The following LOC400499 variants were observed in gnomAD, a reference collection of about 807,000 sequenced individuals.
At chr16:11,412,291 G>A in the LOC400499 span, among the ~76,000 whole-genome samples, 1 of 152,184 alleles carries the variant, frequency 6.6e-6, no homozygotes, top group Admixed American at 6.5e-5. Flanking sequence ...TGTGTCCTAG[G>A]CACTGTAAGA....
chr16:11,455,517 T>A, the LOC400499 span, among the ~76,000 whole-genome samples: 1 of 151,976 alleles, frequency 6.6e-6, no homozygotes, highest in Non-Finnish European at 1.5e-5. Flanking sequence ...GGTGGATCAC[T>A]TGAGCTCAGG....
chr16:11,517,504 G>A, the LOC400499 span, among the ~76,000 whole-genome samples: 428 of 152,288 alleles, frequency 2.8e-3, 4 homozygotes, highest in African/African-American at 9.7e-3. Context: ...AAACAGGCTC[G>A]GAGCAATGTA....
chr16:11,495,381 A>G, the LOC400499 span, among the ~76,000 whole-genome samples: 1 of 144,878 alleles, frequency 6.9e-6, no homozygotes, highest in African/African-American at 2.7e-5. Context: ...AGACCAACAA[A>G]TCTTTTTTTT....
At chr16:11,389,373 G>C in the LOC400499 span, among the ~76,000 whole-genome samples, 2 of 152,132 alleles carry the variant, frequency 1.3e-5, no homozygotes, top group African/African-American at 4.8e-5. Context: ...AAGGGTTTTT[G>C]TGTGTTAAAA....
the LOC400499 span, chr16:11,516,106 T>C: frequency 2.5e-6 from 1 of 399,546 alleles, no homozygotes; most frequent in African/African-American, 2.1e-5. Context: ...TCTGGCCACC[T>C]CTACCCCCTA....
the LOC400499 span, among the ~76,000 whole-genome samples, chr16:11,482,268 C>G: frequency 2.0e-5 from 3 of 152,156 alleles, no homozygotes; most frequent in Non-Finnish European, 4.4e-5. Flanking sequence ...GGAATGGAGG[C>G]TGAGCCAGGG....
chr16:11,387,402 A>G, the LOC400499 span: 1 of 916,576 alleles, frequency 1.1e-6, no homozygotes, highest in Non-Finnish European at 1.4e-6. Flanking sequence ...AGTGGAGAGC[A>G]TGAGGGTGCC....
At chr16:11,439,130 C>A in the LOC400499 span, among the ~76,000 whole-genome samples, 1 of 152,184 alleles carries the variant, frequency 6.6e-6, no homozygotes, top group Non-Finnish European at 1.5e-5. Context: ...TCTTTCTCCA[C>A]CTCCAAAATG....
chr16:11,474,370 T>C, the LOC400499 span, among the ~76,000 whole-genome samples: 2 of 152,396 alleles, frequency 1.3e-5, no homozygotes, highest in Admixed American at 1.3e-4. Flanking sequence ...CCACTTAATG[T>C]AACAACCTAC....
chr16:11,398,264 A>G, the LOC400499 span: 3 of 1,174,200 alleles, frequency 2.6e-6, no homozygotes, highest in East Asian at 9.6e-5. Context: ...ACACCCCTGC[A>G]TTCTGCGGGC....
the LOC400499 span, chr16:11,462,363 C>G: frequency 9.2e-6 from 13 of 1,410,472 alleles, no homozygotes; most frequent in Non-Finnish European, 1.2e-5. Flanking sequence ...CAGCCCTTAC[C>G]ACACGAACTG....
chr16:11,524,657 G>A, the LOC400499 span, among the ~76,000 whole-genome samples: 1 of 152,118 alleles, frequency 6.6e-6, no homozygotes, highest in Non-Finnish European at 1.5e-5. Context: ...CAGATGTGGT[G>A]AGGTGGCCCC....
At chr16:11,383,940 G>C in the LOC400499 span, 21 of 1,231,960 alleles carry the variant, frequency 1.7e-5, no homozygotes, top group Admixed American at 4.2e-5. Context: ...AGGCCCAGCA[G>C]GCGGGGAGCT....
chr16:11,481,764 C>A, the LOC400499 span, among the ~76,000 whole-genome samples: 5 of 152,114 alleles, frequency 3.3e-5, no homozygotes, highest in Admixed American at 2.0e-4. Context: ...TCCAGAATAT[C>A]TGGTATTACA....
At chr16:11,489,954 A>G in the LOC400499 span, among the ~76,000 whole-genome samples, 2 of 152,222 alleles carry the variant, frequency 1.3e-5, no homozygotes, top group South Asian at 4.1e-4. Context: ...TAACGGCAAA[A>G]GACCAGAAAC....
chr16:11,423,246 C>G, the LOC400499 span: 7 of 399,272 alleles, frequency 1.8e-5, no homozygotes, highest in Middle Eastern at 1.9e-3. Context: ...GGCGTCTCCA[C>G]TGCAGTTGAC....
the LOC400499 span, among the ~76,000 whole-genome samples, chr16:11,376,078 C>T: frequency 1.3e-5 from 2 of 152,136 alleles, no homozygotes; most frequent in African/African-American, 4.8e-5. Context: ...TTTGTTGTTA[C>T]ATTGTGAGAG....
the LOC400499 span, among the ~76,000 whole-genome samples, chr16:11,383,475 C>T: frequency 1.3e-5 from 2 of 152,174 alleles, no homozygotes; most frequent in East Asian, 3.9e-4. Context: ...GTACCTGCCT[C>T]GAGGGGACAC....
the LOC400499 span, among the ~76,000 whole-genome samples, chr16:11,430,660 T>A: frequency 6.6e-6 from 1 of 152,332 alleles, no homozygotes; most frequent in South Asian, 2.1e-4. Context: ...TGTGCGATTC[T>A]TTGCATTGTT....
Sources: gnomAD v4.1 joint callset for allele counts (sites outside exome capture counted in the v4.1 genomes callset) on GRCh38, gnomAD v4.1.1 for gene constraint, MANE v1.5 for transcripts.